The following SYT9 variants were observed in gnomAD, a reference collection of about 807,000 sequenced individuals.
SYT9 encodes synaptotagmin 9.
In SYT9, 22 loss-of-function variants were observed where a neutral mutation model predicts 48.4. The ratio of observed to expected loss-of-function variants is 0.45; its 90% confidence interval spans 0.32 to 0.65. SYT9 has a LOEUF of 0.65. Among genes scored for constraint, SYT9 ranks in the 30% least tolerant of loss-of-function variants. The probability of loss-of-function intolerance (pLI) is 0.03; values close to 1 mark genes in which losing one functional copy is unlikely to be tolerated. For synonymous variants in SYT9, 265 were observed against 245.0 expected (o/e 1.08, Z -0.76); for missense variants, 577 against 622.0 (o/e 0.93, Z 0.77).
intron 1 of SYT9, among the ~76,000 whole-genome samples, chr11:7,280,746 T>C (rs1369354182): frequency 6.7e-6 from 1 of 148,738 alleles, no homozygotes; most frequent in Non-Finnish European, 1.5e-5. Flanking sequence ...GAAGAAGGGA[T>C]ACTATAGATG....
chr11:7,407,793 G>A (rs968185883), intron 3 of SYT9, among the ~76,000 whole-genome samples: 1 of 152,146 alleles, frequency 6.6e-6, no homozygotes, highest in Non-Finnish European at 1.5e-5. Context: ...ATTGAAGAAT[G>A]TATTCTTTCT....
intron 3 of SYT9, among the ~76,000 whole-genome samples, chr11:7,321,613 T>C (rs958665823): frequency 2.0e-5 from 3 of 152,226 alleles, no homozygotes; most frequent in Admixed American, 6.5e-5. Context: ...AACTCAGTAA[T>C]GTTTGACAGC....
intron 3 of SYT9, among the ~76,000 whole-genome samples, chr11:7,345,471 A>T (rs980685165): frequency 6.6e-6 from 1 of 152,202 alleles, no homozygotes; most frequent in Admixed American, 6.5e-5. Context: ...GAAGTGATTG[A>T]TTTTATGTGA....
chr11:7,380,147 A>T (rs901813804), intron 3 of SYT9, among the ~76,000 whole-genome samples: 17 of 152,200 alleles, frequency 1.1e-4, no homozygotes, highest in Admixed American at 9.8e-4. Flanking sequence ...GCAACAACAC[A>T]GATGGAACTG....
intron 3 of SYT9, among the ~76,000 whole-genome samples, chr11:7,329,432 T>G (rs1849490668): frequency 6.6e-6 from 1 of 152,214 alleles, no homozygotes; most frequent in African/African-American, 2.4e-5. Context: ...TGACATCTTT[T>G]TAGTTCTTTA....
At chr11:7,445,612 C>T (rs576487261) in intron 6 of SYT9, among the ~76,000 whole-genome samples, 19 of 152,348 alleles carry the variant, frequency 1.2e-4, no homozygotes, top group African/African-American at 4.3e-4. Context: ...CATGGGCTTT[C>T]GCTGGCTGAC....
intron 3 of SYT9, among the ~76,000 whole-genome samples, chr11:7,396,515 A>C (rs1384284916): frequency 6.6e-6 from 1 of 152,130 alleles, no homozygotes; most frequent in Non-Finnish European, 1.5e-5. Context: ...TCCCCAGTTG[A>C]TAGACATCTA....
In SYT9 at chr11:7,447,789, A is replaced by G. The variant is rs539604977; in HGVS notation, c.1468-19003A>G. ...TCAACTATGAGTTCCCTGAGAACAGATACTGTATCTCATTCATCTCTGAAT... is the reference window on the plus strand; with the variant it reads ...TCAACTATGAGTTCCCTGAGAACAGGTACTGTATCTCATTCATCTCTGAAT... On this transcript the variant is annotated intron_variant, in intron 6 of 6. Coordinates refer to ENST00000318881, the MANE Select transcript of SYT9 (RefSeq NM_175733.4). Among the ~76,000 whole-genome samples the G allele has an allele frequency of 3.3e-5, 5 of 152,314 alleles. No individual in the cohort carries two copies. In the South Asian group the frequency reaches 1.0e-3, roughly 32 times the overall value.
At chr11:7,383,394 G>A (rs960631531) in intron 3 of SYT9, among the ~76,000 whole-genome samples, 1 of 152,204 alleles carries the variant, frequency 6.6e-6, no homozygotes, top group Non-Finnish European at 1.5e-5. Context: ...AGAGAGCCCG[G>A]TGGCTCACTG....
Position 7,467,485 on chromosome 11 carries a change from G to C in SYT9, c.*685G>C, listed in dbSNP as rs982807916. On this transcript the variant is annotated 3_prime_UTR_variant, in exon 7 of 7. Coordinates refer to ENST00000318881, the MANE Select transcript of SYT9 (RefSeq NM_175733.4). ...ATGGCCCTGTTTTCTGCTAAAACCA[G>C]ATTTTGAGGAATCAGAGACCCCCAA... 1.3e-5 allele frequency: 2 copies of C among 152,220 alleles called. No homozygotes were observed. The highest frequency in any genetic ancestry group is 6.5e-5 in the Admixed American group (1 of 15,276). The allele number at this position is 152,220 out of a possible 1,614,324, so 9.4% of individuals were successfully genotyped here. A position where few individuals can be genotyped will look rare whatever the true frequency, so the allele number is the denominator to read the frequency against.
chr11:7,320,783 A>G (rs1418671239), intron 3 of SYT9, among the ~76,000 whole-genome samples: 2 of 152,210 alleles, frequency 1.3e-5, no homozygotes, highest in African/African-American at 4.8e-5. Flanking sequence ...ATTGAGTGTA[A>G]AAATGATGGT....
intron 3 of SYT9, among the ~76,000 whole-genome samples, chr11:7,333,920 A>G (rs1849588270): frequency 6.6e-6 from 1 of 152,234 alleles, no homozygotes; most frequent in Non-Finnish European, 1.5e-5. Context: ...ATAGTGAAAC[A>G]TAACATTGCA....
At chr11:7,318,534 A>G (rs990980402) in intron 3 of SYT9, among the ~76,000 whole-genome samples, 6 of 152,084 alleles carry the variant, frequency 3.9e-5, no homozygotes, top group African/African-American at 1.2e-4. Context: ...GGCTGGTCTC[A>G]AACTCCTAAC....
chr11:7,246,625 T>C (rs1038946694), intron 1 of SYT9, among the ~76,000 whole-genome samples: 1 of 152,226 alleles, frequency 6.6e-6, no homozygotes, highest in Non-Finnish European at 1.5e-5. Flanking sequence ...GTTTCTATCA[T>C]TTACCAGTTT....
chr11:7,455,137 A>G (rs142429398), intron 6 of SYT9, among the ~76,000 whole-genome samples: 281 of 152,242 alleles, frequency 1.8e-3, no homozygotes, highest in African/African-American at 6.5e-3. Context: ...AGGATAAAAG[A>G]AAGTTTCTTA....
chr11:7,425,274 C>T (rs931690041), intron 6 of SYT9, among the ~76,000 whole-genome samples: 3 of 152,178 alleles, frequency 2.0e-5, no homozygotes, highest in Non-Finnish European at 2.9e-5. Context: ...AGAGTCCGCA[C>T]AGGACAGGGA....
rs113856675 is a variant in SYT9, at chr11:7,257,726, A to G, written c.145+5395A>G. Among the ~76,000 whole-genome samples the G allele has an allele frequency of 6.1e-3, 927 of 152,270 alleles. 12 individuals carry two copies. Among genetic ancestry groups the G allele is most frequent in the African/African-American group, 0.021 (884 of 41,554 alleles). The stretch of plus-strand genomic sequence containing the variant: ...AATCAGGAAAAAGAGTCTTCTAAGG[A>G]ATGAGTGGCATATTGGATGCACAAT... On this transcript the variant is annotated intron_variant, in intron 1 of 6. Coordinates refer to ENST00000318881, the MANE Select transcript of SYT9 (RefSeq NM_175733.4).
At chr11:7,291,621 C>A (rs139039838) in intron 1 of SYT9, among the ~76,000 whole-genome samples, 312 of 152,014 alleles carry the variant, frequency 2.1e-3, no homozygotes, top group Non-Finnish European at 4.9e-4. Flanking sequence ...TGTTTAAAAA[C>A]AAGTCTGCAC....
chr11:7,447,787 A>G (rs1348370342), intron 6 of SYT9, among the ~76,000 whole-genome samples: 1 of 152,226 alleles, frequency 6.6e-6, no homozygotes, highest in Non-Finnish European at 1.5e-5. Context: ...CCCTGAGAAC[A>G]GATACTGTAT....
Sources: allele counts gnomAD v4.1 joint callset (sites outside exome capture counted in the v4.1 genomes callset), GRCh38; gene constraint gnomAD v4.1.1; transcripts MANE v1.5; gene names NCBI Gene and HGNC (gene_info 2026-07-23, HGNC 2026-07-21).